The following CCDC7 variants were observed in gnomAD, a reference collection of about 807,000 sequenced individuals.
The protein encoded by CCDC7 is coiled-coil domain-containing protein 7.
Under a neutral mutation model 196.9 loss-of-function variants are expected in CCDC7, and 183 were observed. That is an observed-to-expected ratio of 0.93 (90% CI 0.82 to 1.05). The LOEUF (loss-of-function observed/expected upper bound fraction) is 1.05, where lower values mean the gene tolerates loss of function less well. Among genes scored for constraint, CCDC7 ranks in the 50% least tolerant of loss-of-function variants. CCDC7 has a pLI of 0.00. For synonymous variants in CCDC7, 525 were observed against 484.6 expected (o/e 1.08, Z -1.10); for missense variants, 1,540 against 1,482.2 (o/e 1.04, Z -0.64).
chr10:32,565,362 A>G (rs1309443934), intron 13 of CCDC7, among the ~76,000 whole-genome samples, 196 bp from the exon 15 acceptor site: 2 of 152,202 alleles, frequency 1.3e-5, no homozygotes, highest in Non-Finnish European at 2.9e-5. Flanking sequence ...TTCATGCTCA[A>G]TTTGCCTGTG....
upstream of CCDC7, among the ~76,000 whole-genome samples, chr10:32,444,103 C>T (rs556606871): frequency 2.1e-4 from 32 of 150,372 alleles, no homozygotes; most frequent in African/African-American, 7.3e-4. Flanking sequence ...CCTTATTGCA[C>T]TTGTTAAGAC....
At chr10:32,444,561 T>G (rs1375238687), upstream of CCDC7, among the ~76,000 whole-genome samples, 1 of 152,200 alleles carries the variant, frequency 6.6e-6, no homozygotes, top group Non-Finnish European at 1.5e-5. Context: ...ATTTTCAGGG[T>G]TCTAGAAAAT....
At chr10:32,626,166 C>T (rs1382470796) in intron 18 of CCDC7, among the ~76,000 whole-genome samples, 2 of 151,974 alleles carry the variant, frequency 1.3e-5, no homozygotes, top group Non-Finnish European at 1.5e-5. Context: ...AGTTGATGTA[C>T]TAGTTTACAT....
At chr10:32,670,872 A>G (rs560889327) in intron 21 of CCDC7, among the ~76,000 whole-genome samples, 16 of 149,674 alleles carry the variant, frequency 1.1e-4, no homozygotes, top group African/African-American at 3.0e-4. Context: ...AGTTTGTTCT[A>G]TTTTCCTTAG....
intron 24 of CCDC7, among the ~76,000 whole-genome samples, chr10:32,697,890 CCCCAGTAGGCTAACTGGGAGACATCT>C (rs1291112837): frequency 2.6e-5 from 4 of 152,172 alleles, no homozygotes; most frequent in African/African-American, 7.2e-5. Context: ...GTCCCTGACC[CCCCAGTAGGCTAACTGGGAGACATCT>C]CCCAGTAGGG....
chr10:32,701,227 C>G (rs2078663985), intron 24 of CCDC7, among the ~76,000 whole-genome samples: 2 of 152,110 alleles, frequency 1.3e-5, no homozygotes, highest in African/African-American at 4.8e-5. Context: ...TGAGATATGT[C>G]CCATCAATAC....
chr10:32,483,578 T>C (rs990919300), intron 8 of CCDC7, among the ~76,000 whole-genome samples: 9 of 152,364 alleles, frequency 5.9e-5, no homozygotes, highest in Middle Eastern at 6.8e-3. Context: ...CCCATGCCTA[T>C]GTCCTGAATG....
At chr10:32,484,565 G>A (rs1230844028) in intron 8 of CCDC7, among the ~76,000 whole-genome samples, 1 of 152,148 alleles carries the variant, frequency 6.6e-6, no homozygotes, top group East Asian at 1.9e-4. Flanking sequence ...GGGCATTGCT[G>A]TCTTGTGCCA....
intron 41 of CCDC7, among the ~76,000 whole-genome samples, chr10:32,860,715 G>A (rs1056035930): frequency 2.0e-4 from 30 of 151,426 alleles, no homozygotes; most frequent in African/African-American, 7.1e-4. Context: ...CTTCAGCAAA[G>A]TCTCAGGATA....
intron 13 of CCDC7, among the ~76,000 whole-genome samples, chr10:32,558,714 C>T (rs1025339342): frequency 3.9e-5 from 6 of 152,196 alleles, no homozygotes; most frequent in Admixed American, 6.5e-5. Context: ...GGAACAGCTC[C>T]GGTCTACAGC....
chr10:32,555,121 A>G (rs1472154167), intron 13 of CCDC7, among the ~76,000 whole-genome samples: 2 of 152,136 alleles, frequency 1.3e-5, no homozygotes, highest in Admixed American at 6.5e-5. Context: ...TTGCTTCTAA[A>G]TCTTAGTTAT....
intron 20 of CCDC7, among the ~76,000 whole-genome samples, chr10:32,657,242 C>T (rs2070148255): frequency 6.6e-6 from 1 of 152,224 alleles, no homozygotes; most frequent in Admixed American, 6.5e-5. Flanking sequence ...GCCCTCTTCT[C>T]ACAGCTCTAC....
intron 41 of CCDC7, among the ~76,000 whole-genome samples, chr10:32,862,028 A>G (rs922194240): frequency 6.6e-6 from 1 of 152,198 alleles, no homozygotes; most frequent in Non-Finnish European, 1.5e-5. Context: ...AGAATCTAGA[A>G]CTATAAATAC....
chr10:32,697,124 C>A (rs1366650062), intron 24 of CCDC7, among the ~76,000 whole-genome samples: 1 of 152,106 alleles, frequency 6.6e-6, no homozygotes, highest in African/African-American at 2.4e-5. Flanking sequence ...TGTTTTCCTG[C>A]AATTAGATGG....
At chr10:32,743,242 G>C (rs768620776) in intron 28 of CCDC7, among the ~76,000 whole-genome samples, 12 of 152,234 alleles carry the variant, frequency 7.9e-5, no homozygotes, top group Admixed American at 2.0e-4. Context: ...GCCACTTTTT[G>C]ATGGGGTTGT....
intron 3 of CCDC7, among the ~76,000 whole-genome samples, chr10:32,462,334 A>T (rs1240983765): frequency 6.6e-6 from 1 of 152,148 alleles, no homozygotes; most frequent in African/African-American, 2.4e-5. Flanking sequence ...CTGAGGCAAG[A>T]GGATCACTTG....
chr10:32,701,823 C>T (rs1016537252), intron 24 of CCDC7, among the ~76,000 whole-genome samples: 1 of 152,218 alleles, frequency 6.6e-6, no homozygotes, highest in Admixed American at 6.5e-5. Flanking sequence ...TTATAGTATT[C>T]TCTGATGGTA....
intron 16 of CCDC7, 52 bp downstream of exon 17, chr10:32,571,945 C>T (rs2137085590): frequency 2.7e-6 from 4 of 1,483,860 alleles, no homozygotes; most frequent in Non-Finnish European, 3.6e-6. Flanking sequence ...TTTATCAGTT[C>T]ACATACCTAA....
At chr10:32,830,121 G>GATATATATATATATACATATATAT (rs2091953631) in intron 32 of CCDC7, among the ~76,000 whole-genome samples, 1 of 50,656 alleles carries the variant, frequency 2.0e-5, no homozygotes, top group Non-Finnish European at 5.4e-5. Flanking sequence ...TATATATAAG[G>GATATATATATATATACATATATAT]ATATATATAT....
Sources: allele counts gnomAD v4.1 joint callset (sites outside exome capture counted in the v4.1 genomes callset), GRCh38; gene constraint gnomAD v4.1.1; transcripts MANE v1.5; gene names NCBI Gene and HGNC (gene_info 2026-07-23, HGNC 2026-07-21).